Variants in FTSJ3 observed in about 807,000 individuals in gnomAD.
FTSJ3 encodes pre-rRNA 2'-O-ribose RNA methyltransferase FTSJ3.
Under a neutral mutation model 111.5 loss-of-function variants are expected in FTSJ3, and 46 were observed. The ratio of observed to expected loss-of-function variants is 0.41; its 90% confidence interval spans 0.33 to 0.53. The LOEUF is 0.53. Among genes scored for constraint, FTSJ3 ranks in the 20% least tolerant of loss-of-function variants. The pLI is 0.19. For synonymous variants in FTSJ3, 408 were observed against 383.0 expected (o/e 1.07, Z -0.76); for missense variants, 1,075 against 1,063.8 (o/e 1.01, Z -0.15).
At position 63,827,535 on chromosome 17, in the gene FTSJ3, G is replaced by A. The variant is rs1314425659; in HGVS notation, c.-510C>T. 4 of 1,551,644 alleles carry A rather than the reference G, an allele frequency of 2.6e-6. No homozygotes were observed. In the African/African-American group the frequency reaches 4.1e-5, roughly 16 times the overall value. The stretch of plus-strand genomic sequence containing the variant: ...AGCAGGTATGGCGGGTGCAGTGGCG[G>A]CCCGGCAGGTTACGGGGCTGGGTGC... On this transcript the variant is annotated 5_prime_UTR_variant, in exon 1 of 21. Coordinates refer to ENST00000427159, the MANE Select transcript of FTSJ3 (RefSeq NM_017647.4).
At chr17:63,822,312 G>A in intron 13 of FTSJ3, 144 bp from the exon 14 acceptor site, 1 of 684,126 alleles carries the variant, frequency 1.5e-6, no homozygotes, top group Non-Finnish European at 2.4e-6. Context: ...GGAAAGCTCA[G>A]ATCCAGGGTA....
At position 63,824,017 on chromosome 17, in the gene FTSJ3, T is replaced by C. The variant is rs535384185; in HGVS notation, c.1155-65A>G. The C allele has an allele frequency of 4.3e-6, 7 of 1,613,530 alleles. No individual in the cohort carries two copies. The African/African-American group carries it at 8.0e-5, about 18-fold the overall frequency. On this transcript the variant is annotated intron_variant, in intron 12 of 20. Coordinates refer to ENST00000427159, the MANE Select transcript of FTSJ3 (RefSeq NM_017647.4). ...CAAAGTTTCTATCCATGCCTTGCAT[T>C]TTCTTCTCCCATCTTCACACAGTCC...
At chr17:63,821,698 A>T (rs1023094154) in intron 15 of FTSJ3, 25 bp downstream of exon 15, 6 of 1,614,044 alleles carry the variant, frequency 3.7e-6, no homozygotes, top group Admixed American at 3.3e-5. Flanking sequence ...ATCTCCCCGC[A>T]GTCTTGCCCC....
rs749894812 is a variant in FTSJ3, at chr17:63,826,308, T to TA, written c.174-5dup. On this transcript the variant is annotated splice_polypyrimidine_tract_variant and splice_region_variant and intron_variant, in intron 3 of 20. Coordinates refer to ENST00000427159, the MANE Select transcript of FTSJ3 (RefSeq NM_017647.4). ...AAACTTGGCAGCTACCTGCAGCCTA[T>TA]AAAAGGAACAGAAATTTAAAAACCT... 1.8e-5 allele frequency: 29 copies of TA among 1,613,892 alleles called. No homozygotes were observed. The highest frequency in any genetic ancestry group is 6.6e-5 in the South Asian group (6 of 91,074).
At position 63,821,262 on chromosome 17, in the gene FTSJ3, C is replaced by T. The variant is rs557346208; in HGVS notation, c.1886+92G>A. The T allele has an allele frequency of 6.0e-6, 9 of 1,493,280 alleles. No individual in the cohort carries two copies. The African/African-American group carries it at 9.7e-5, about 16-fold the overall frequency. 92.5% of individuals were successfully genotyped at this position (1,493,280 alleles called of 1,614,324 possible). A position where few individuals can be genotyped will look rare whatever the true frequency, so the allele number is the denominator to read the frequency against. ...TCAGTACAGTATTTTTAACCCTCCCCATGTGCAGCCAAGATTAAGAACCCC... is the reference window on the plus strand; with the variant it reads ...TCAGTACAGTATTTTTAACCCTCCCTATGTGCAGCCAAGATTAAGAACCCC... On this transcript the variant is annotated intron_variant, in intron 16 of 20. Transcript: ENST00000427159.
At position 63,821,565 on chromosome 17, in the gene FTSJ3, G is replaced by A. The variant is rs759940040; in HGVS notation, c.1675C>T (p.Arg559Trp). 2.7e-5 allele frequency: 44 copies of A among 1,613,906 alleles called. No individual in the cohort carries two copies. Among genetic ancestry groups the A allele is most frequent in the East Asian group, 8.9e-5 (4 of 44,894 alleles). ...TTCTGCTGCTGCTGCCGTCCCTTCC[G>A]CCGGTTCTCAAATAACAGCTGGGCC... ...SQAQLLFENR[R>W]KGRQQQQKQQ... The change falls in exon 16 of 21, where the codon CGG (arginine) becomes TGG (tryptophan). Residue 559 changes from arginine (R) to tryptophan (W), a missense_variant. Physicochemically the swap from Arg to Trp is moderately radical, Grantham distance 101. This residue lies in a region of FTSJ3 where 867 missense variants were observed against 796.9 expected (regional missense o/e 1.09). Coordinates refer to ENST00000427159, the MANE Select transcript of FTSJ3 (RefSeq NM_017647.4).
Position 63,821,411 on chromosome 17 carries a change from T to G in FTSJ3, c.1829A>C (p.Glu610Ala). The G allele has an allele frequency of 6.2e-7, 1 of 1,614,026 alleles. No homozygotes were observed. The highest frequency in any genetic ancestry group is 8.5e-7 in the Non-Finnish European group (1 of 1,180,018). ...ACTGTCTGAGATGCCATCCTTTTCTTCCCCTTCAAGGCCAGTGGCAGCTTC... is the reference window on the plus strand; with the variant it reads ...ACTGTCTGAGATGCCATCCTTTTCTGCCCCTTCAAGGCCAGTGGCAGCTTC... The part of the protein sequence containing the change: ...GTEAATGLEG[E>A]EKDGISDSDS... The change falls in exon 16 of 21, where the codon GAA (glutamate) becomes GCA (alanine). Residue 610 changes from glutamate to alanine, a missense_variant. This residue lies in a region of FTSJ3 where 867 missense variants were observed against 796.9 expected (regional missense o/e 1.09). Transcript: ENST00000427159.
In FTSJ3 at chr17:63,827,064, C is replaced by G. The variant is rs989406548; in HGVS notation, c.-39G>C. 4.6e-5 allele frequency: 31 copies of G among 680,508 alleles called. No individual in the cohort carries two copies. Among genetic ancestry groups the G allele is most frequent in the Middle Eastern group, 6.4e-4 (2 of 3,132 alleles). 42.2% of individuals were successfully genotyped at this position (680,508 alleles called of 1,614,324 possible). A position where few individuals can be genotyped will look rare whatever the true frequency, so the allele number is the denominator to read the frequency against. On this transcript the variant is annotated 5_prime_UTR_variant, in exon 1 of 21. Coordinates refer to ENST00000427159, the MANE Select transcript of FTSJ3 (RefSeq NM_017647.4). ...CTCCGCACACTACCTAGACCCAGAG[C>G]CGCTTTCTCCACACTTGGAACCGCA...
chr17:63,826,542 G>T, intron 3 of FTSJ3, 25 bp downstream of exon 3: 1 of 1,586,544 alleles, frequency 6.3e-7, no homozygotes, highest in East Asian at 2.2e-5. Context: ...GCCACCAGGA[G>T]CAACCTGTGG....
chr17:63,823,698 G>C, intron 13 of FTSJ3, 119 bp downstream of exon 13: 1 of 1,150,328 alleles, frequency 8.7e-7, no homozygotes. Context: ...ACCCTGTGGT[G>C]AAGACAGCAA....
Position 63,821,029 on chromosome 17 carries a change from C to T in FTSJ3, c.1972+1G>A. On this transcript the variant is annotated splice_donor_variant, in intron 17 of 20. Coordinates refer to ENST00000427159, the MANE Select transcript of FTSJ3 (RefSeq NM_017647.4). LOFTEE classifies it high-confidence loss of function. ...CATTCCACTGCATACAGAGCTCTCACCTGGGTCCTCAATAGGCACTATCTC... is the reference window on the plus strand; with the variant it reads ...CATTCCACTGCATACAGAGCTCTCATCTGGGTCCTCAATAGGCACTATCTC... 1 of 1,614,058 alleles carries T rather than the reference C, an allele frequency of 6.2e-7. No individual in the cohort carries two copies.
chr17:63,824,174 GGCT>G lies in FTSJ3; in HGVS notation c.1061_1063del (p.Gln354del), dbSNP rs756671819. The G allele has an allele frequency of 1.9e-6, 3 of 1,613,954 alleles. No homozygotes were observed. Among genetic ancestry groups the G allele is most frequent in the South Asian group, 2.2e-5 (2 of 91,088 alleles). On this transcript the variant is annotated inframe_deletion, in exon 12 of 21. Transcript: ENST00000427159. ...CTCCTCTTCCTCCTCCTCCTTAGAG[GGCT>G]GCTTTGTGGTTCCAGCTGTTGAGTC...
At chr17:63,826,181 G>A (rs765448048) in intron 4 of FTSJ3, 46 bp from the exon 5 acceptor site, 15 of 1,610,520 alleles carry the variant, frequency 9.3e-6, no homozygotes, top group Non-Finnish European at 1.2e-5. Context: ...GCTTCAAGCA[G>A]GGAGGAGAGA....
Position 63,821,423 on chromosome 17 carries a change from C to G in FTSJ3, c.1817G>C (p.Gly606Ala). 6.2e-7 allele frequency: 1 copy of G among 1,614,194 alleles called. No homozygotes were observed. Among genetic ancestry groups the G allele is most frequent in the Middle Eastern group, 1.7e-4 (1 of 6,034 alleles). ...EASSGTEAAT[G>A]LEGEEKDGIS... ...GCCATCCTTTTCTTCCCCTTCAAGGCCAGTGGCAGCTTCTGTCCCCGAAGA... is the reference window on the plus strand; with the variant it reads ...GCCATCCTTTTCTTCCCCTTCAAGGGCAGTGGCAGCTTCTGTCCCCGAAGA... Residue 606 changes from glycine (G) to alanine (A), a missense_variant, in exon 16 of 21, where the codon GGC (glycine) becomes GCC (alanine). By Grantham distance (60) the Gly-to-Ala change is moderately conservative. This residue lies in a region of FTSJ3 where 867 missense variants were observed against 796.9 expected (regional missense o/e 1.09). Coordinates refer to ENST00000427159, the MANE Select transcript of FTSJ3 (RefSeq NM_017647.4).
rs925843293 is a variant in FTSJ3 at position 63,824,378 on chromosome 17, T to C, written c.951A>G (p.Arg317=). The C allele has an allele frequency of 1.9e-6, 3 of 1,614,190 alleles. No individual in the cohort carries two copies. The highest frequency in any genetic ancestry group is 3.3e-4 in the Middle Eastern group (2 of 6,062). ...GTTCTTTCAGCTTCTTGGCCACATA[T>C]CGCCGAAGTTTTGTTCTCCAGTTTA... is the stretch of plus-strand genomic sequence containing the variant. ...SLLNWRTKLR[R]YVAKKLKEQA... Residue 317 remains arginine (R), a synonymous_variant, in exon 11 of 21, where the codon CGA becomes CGG. Coordinates refer to ENST00000427159, the MANE Select transcript of FTSJ3 (RefSeq NM_017647.4).
In FTSJ3 at chr17:63,825,255, A is replaced by G. The variant is rs2040087101; in HGVS notation, c.582T>C (p.Phe194=). The change falls in exon 7 of 21, where the codon TTT becomes TTC. Residue 194 remains phenylalanine (F), a synonymous_variant. Coordinates refer to ENST00000427159, the MANE Select transcript of FTSJ3 (RefSeq NM_017647.4). ...QASRHESAEI[F]VVCQGFLAPD... is the part of the protein sequence containing the mutation. ...AATGATGCCCACCTTGGCAGACTACAAAGATCTCTGCAGATTCATGGCGAG... is the reference window on the plus strand; with the variant it reads ...AATGATGCCCACCTTGGCAGACTACGAAGATCTCTGCAGATTCATGGCGAG... 1 of 1,614,092 alleles carries G rather than the reference A, an allele frequency of 6.2e-7. No homozygotes were observed. Among genetic ancestry groups the G allele is most frequent in the African/African-American group, 1.3e-5 (1 of 74,936 alleles).
intron 9 of FTSJ3, 29 bp downstream of exon 9, chr17:63,824,796 C>T (rs1225879407): frequency 1.2e-6 from 2 of 1,605,536 alleles, no homozygotes; most frequent in Non-Finnish European, 8.5e-7. Context: ...TCTGGGGCTA[C>T]CTCATGTCCC....
chr17:63,824,918 A>G lies in FTSJ3; in HGVS notation c.723T>C (p.Tyr241=). ...VTKKKPKAEG[Y]AEGDLTLYHR... ...GATAGAGAGTGAGGTCACCCTCAGCATAGCCTTCAGCCTTAGGAAGGAAAA... is the reference window on the plus strand; with the variant it reads ...GATAGAGAGTGAGGTCACCCTCAGCGTAGCCTTCAGCCTTAGGAAGGAAAA... The change falls in exon 9 of 21, where the codon TAT becomes TAC. Residue 241 remains tyrosine (Y), a synonymous_variant. Coordinates refer to ENST00000427159, the MANE Select transcript of FTSJ3 (RefSeq NM_017647.4). 6.3e-7 allele frequency: 1 copy of G among 1,585,756 alleles called. No individual in the cohort carries two copies. The highest frequency in any genetic ancestry group is 8.6e-7 in the Non-Finnish European group (1 of 1,165,206).
chr17:63,826,040 G>C lies in FTSJ3; in HGVS notation c.300+16C>G, dbSNP rs1265630777. On this transcript the variant is annotated intron_variant, in intron 5 of 20. Transcript: ENST00000427159. Reference sequence around the variant, plus strand: ...TTTCCGTATAAAGGGGGAAGGAAGAGAGAGACTCCTATTACCTGCCTACAA... The same window carrying C: ...TTTCCGTATAAAGGGGGAAGGAAGACAGAGACTCCTATTACCTGCCTACAA... The C allele has an allele frequency of 6.3e-7, 1 of 1,583,674 alleles. No individual in the cohort carries two copies. The highest frequency in any genetic ancestry group is 8.7e-7 in the Non-Finnish European group (1 of 1,155,884).
Sources: gnomAD v4.1 joint callset for allele counts on GRCh38, gnomAD v4.1.1 for gene constraint, gnomAD v4.1.1 regional missense constraint, MANE v1.5 for transcripts, NCBI Gene and HGNC (gene_info 2026-07-23, HGNC 2026-07-21) for gene names.